COL28A1: variants seen among roughly 807,000 people sequenced by gnomAD.
The protein encoded by COL28A1 is collagen alpha-1(XXVIII) chain.
Under a neutral mutation model 150.2 loss-of-function variants are expected in COL28A1, and 161 were observed. That is an observed-to-expected ratio of 1.07 (90% CI 0.94 to 1.22). The LOEUF is 1.22. Ranked by LOEUF, COL28A1 falls within the 50% of genes most tolerant of loss-of-function variation. The probability of loss-of-function intolerance (pLI) is 0.00; values close to 1 mark genes in which losing one functional copy is unlikely to be tolerated. For missense variants in COL28A1, 1,617 were observed against 1,388.3 expected (o/e 1.16, Z -2.62); for synonymous variants, 552 against 469.7 (o/e 1.18, Z -2.26).
At chr7:7,367,129 T>C (rs1780976970) in intron 33 of COL28A1, among the ~76,000 whole-genome samples, 1 of 152,204 alleles carries the variant, frequency 6.6e-6, no homozygotes, top group South Asian at 2.1e-4. Flanking sequence ...TACCACTGTG[T>C]TACAGTTCCC....
chr7:7,426,961 T>G (rs1784673377), intron 25 of COL28A1, among the ~76,000 whole-genome samples: 2 of 152,198 alleles, frequency 1.3e-5, no homozygotes, highest in Non-Finnish European at 2.9e-5. Flanking sequence ...TGGGAGAAAG[T>G]TCCTCCAAGT....
At chr7:7,503,618 G>C (rs1780651841) in intron 11 of COL28A1, among the ~76,000 whole-genome samples, 1 of 152,132 alleles carries the variant, frequency 6.6e-6, no homozygotes, top group Non-Finnish European at 1.5e-5. Flanking sequence ...TACATTCTGG[G>C]AGGCAAGATG....
At chr7:7,408,765 AT>A (rs1783625946) in intron 27 of COL28A1, among the ~76,000 whole-genome samples, 2 of 152,096 alleles carry the variant, frequency 1.3e-5, no homozygotes, top group African/African-American at 4.8e-5. Flanking sequence ...TAATACTTCT[AT>A]CTTATAAAAA....
At chr7:7,488,500 C>T (rs1027676565) in intron 13 of COL28A1, among the ~76,000 whole-genome samples, 12 of 152,156 alleles carry the variant, frequency 7.9e-5, no homozygotes, top group Non-Finnish European at 1.8e-4. Context: ...TACTATTTTT[C>T]CCTAGGAGAA....
intron 8 of COL28A1, among the ~76,000 whole-genome samples, chr7:7,512,346 T>A (rs1362442632): frequency 1.3e-5 from 2 of 152,082 alleles, no homozygotes; most frequent in Non-Finnish European, 2.9e-5. Context: ...ACTAAAAGGG[T>A]AGATTTTAAG....
At position 7,373,570 on chromosome 7, in the gene COL28A1, A is replaced by G; in HGVS notation, c.2360-24T>C. ...ACCTAAAAGATGAATGTTGAGAGAG[A>G]AAAATTGTGGGAATGATTGACATCA... On this transcript the variant is annotated intron_variant, in intron 31 of 34. Coordinates refer to ENST00000399429, the MANE Select transcript of COL28A1 (RefSeq NM_001037763.3). The surrounding 1 kb of genome is among the most constrained non-coding windows in gnomAD (Gnocchi z 4.1). 6.3e-7 allele frequency: 1 copy of G among 1,585,836 alleles called. No homozygotes were observed. Among genetic ancestry groups the G allele is most frequent in the Non-Finnish European group, 8.6e-7 (1 of 1,165,606 alleles).
intron 16 of COL28A1, among the ~76,000 whole-genome samples, chr7:7,455,534 T>TGGA (rs1562709122): frequency 2.2e-3 from 331 of 152,348 alleles, no homozygotes; most frequent in African/African-American, 7.4e-3. Context: ...GTTTTGCTTC[T>TGGA]ATTCCAGAAG....
intron 25 of COL28A1, among the ~76,000 whole-genome samples, chr7:7,429,849 GACTGCC>G (rs2128313049): frequency 6.6e-6 from 1 of 152,242 alleles, no homozygotes; most frequent in Admixed American, 6.5e-5. Context: ...GCAAACCATG[GACTGCC>G]GCTTCCACTC....
chr7:7,432,676 C>T lies in COL28A1; in HGVS notation c.1885G>A (p.Val629Met). ...TCACCTTTGAGTCCTGGAGCACCCA[C>T]TGGTCCCCGAGGGCCTTGGACACCC... ...PKGVQGPRGP[V>M]GAPGLKGDGY... The change falls in exon 24 of 35, where the codon GTG becomes ATG. Residue 629 changes from valine to methionine, a missense_variant. Val to Met is a conservative substitution (Grantham distance 21). Transcript: ENST00000399429. 6.2e-7 allele frequency: 1 copy of T among 1,613,970 alleles called. No homozygotes were observed. Among genetic ancestry groups the T allele is most frequent in the Non-Finnish European group, 8.5e-7 (1 of 1,179,988 alleles).
At chr7:7,517,625 C>T (rs1024311840) in intron 7 of COL28A1, among the ~76,000 whole-genome samples, 171 bp downstream of exon 7, 2 of 152,144 alleles carry the variant, frequency 1.3e-5, no homozygotes, top group Non-Finnish European at 2.9e-5. Context: ...ATTTTCTCCC[C>T]ACATTTCCAC....
At chr7:7,364,242 T>C (rs1291651182) in intron 33 of COL28A1, among the ~76,000 whole-genome samples, 2 of 152,184 alleles carry the variant, frequency 1.3e-5, no homozygotes, top group East Asian at 3.9e-4. Context: ...TCCCAAAATA[T>C]GCCACTTTGG....
intron 13 of COL28A1, among the ~76,000 whole-genome samples, chr7:7,477,876 G>A (rs780880290): frequency 3.9e-5 from 6 of 152,142 alleles, no homozygotes; most frequent in Admixed American, 1.3e-4. Context: ...ACAGAGAGCC[G>A]ATTGGTCTGT....
At chr7:7,397,385 C>G (rs1782899972) in intron 27 of COL28A1, among the ~76,000 whole-genome samples, 1 of 152,124 alleles carries the variant, frequency 6.6e-6, no homozygotes, top group Non-Finnish European at 1.5e-5. Context: ...ATAATCTCCC[C>G]AACTCAGGAT....
intron 11 of COL28A1, among the ~76,000 whole-genome samples, chr7:7,496,065 T>C (rs899760638): frequency 6.6e-6 from 1 of 152,226 alleles, no homozygotes; most frequent in East Asian, 1.9e-4. Context: ...TCTTTCATAG[T>C]GATTCTTACC....
intron 13 of COL28A1, among the ~76,000 whole-genome samples, chr7:7,479,182 C>T (rs1158373617): frequency 6.6e-6 from 1 of 152,144 alleles, no homozygotes; most frequent in African/African-American, 2.4e-5. Context: ...CCATGAATAC[C>T]AAGGAATGGC....
intron 27 of COL28A1, among the ~76,000 whole-genome samples, chr7:7,405,426 C>T (rs150899220): frequency 9.8e-5 from 15 of 152,290 alleles, no homozygotes; most frequent in Admixed American, 3.3e-4. Flanking sequence ...ACTATTAATA[C>T]ATCAAATTTC....
At chr7:7,511,901 A>T (rs1475217661) in intron 8 of COL28A1, 3 of 421,554 alleles carry the variant, frequency 7.1e-6, no homozygotes, top group African/African-American at 2.1e-5. Flanking sequence ...GTTTATCATA[A>T]ATATTTTATC....
intron 23 of COL28A1, among the ~76,000 whole-genome samples, chr7:7,433,297 T>TA (rs1305068328): frequency 6.6e-6 from 1 of 151,926 alleles, no homozygotes; most frequent in Non-Finnish European, 1.5e-5. Flanking sequence ...CTGACTCAAG[T>TA]AAAACGGGGG....
intron 25 of COL28A1, 38 bp from the exon 26 acceptor site, chr7:7,419,991 T>A: frequency 1.4e-6 from 2 of 1,411,102 alleles, no homozygotes; most frequent in African/African-American, 1.5e-5. Context: ...ACTAATTTTT[T>A]AAAGACTTTA....
Sources: allele counts gnomAD v4.1 joint callset (sites outside exome capture counted in the v4.1 genomes callset), GRCh38; gene constraint gnomAD v4.1.1; non-coding constraint Gnocchi (gnomAD v3.1); transcripts MANE v1.5; gene names NCBI Gene and HGNC (gene_info 2026-07-23, HGNC 2026-07-21).